The following NALF1 variants were observed in gnomAD, a reference collection of about 807,000 sequenced individuals.
NALF1 encodes family with sequence similarity 155 member A.
A neutral mutation model predicts 48.4 loss-of-function variants in NALF1; 3 were observed. The ratio of observed to expected loss-of-function variants is 0.06; its 90% CI spans 0.03 to 0.16. The LOEUF (loss-of-function observed/expected upper bound fraction) is 0.16. Ranked by LOEUF, NALF1 falls within the 10% of genes least tolerant of loss-of-function variation. The probability of loss-of-function intolerance (pLI) is 1.00; values close to 1 mark genes in which losing one functional copy is unlikely to be tolerated. For synonymous variants in NALF1, 262 were observed against 245.7 expected, an observed-to-expected ratio of 1.07 and a Z score of -0.62; for missense variants, 526 against 571.5, an observed-to-expected ratio of 0.92 and a Z score of 0.81.
rs117756491 is a variant in NALF1, at chr13:107,522,297, A to C, written c.916-311542T>G. ...AAACACAAATACTTATTTTTCCTTTAATTTCTTGGACCCTTTCTCAATCTC... is the reference window on the plus strand; with the variant it reads ...AAACACAAATACTTATTTTTCCTTTCATTTCTTGGACCCTTTCTCAATCTC... On this transcript the variant is annotated intron_variant, in intron 1 of 2. Transcript: ENST00000375915. Among the ~76,000 whole-genome samples the C allele has an allele frequency of 1.7e-4, 26 of 152,136 alleles. No individual in the cohort carries two copies. In the East Asian group the frequency reaches 5.0e-3, roughly 29 times the overall value.
intron 1 of NALF1, among the ~76,000 whole-genome samples, chr13:107,600,688 T>C (rs907145508): frequency 6.6e-6 from 1 of 152,178 alleles, no homozygotes; most frequent in Non-Finnish European, 1.5e-5. Flanking sequence ...TATTAACTTA[T>C]ATAGACCCTC....
intron 1 of NALF1, among the ~76,000 whole-genome samples, chr13:107,846,694 G>A (rs1163260531): frequency 6.6e-6 from 1 of 152,158 alleles, no homozygotes; most frequent in Non-Finnish European, 1.5e-5. Context: ...TCTGCTAGTA[G>A]GGTCAGAATA....
chr13:107,806,799 A>G (rs1878804155), intron 1 of NALF1, among the ~76,000 whole-genome samples: 1 of 152,174 alleles, frequency 6.6e-6, no homozygotes, highest in South Asian at 2.1e-4. Context: ...TTTTGTTTAA[A>G]CCCCAAGAGT....
intron 1 of NALF1, among the ~76,000 whole-genome samples, chr13:107,643,427 A>C (rs1880217353): frequency 6.6e-6 from 1 of 152,036 alleles, no homozygotes; most frequent in Non-Finnish European, 1.5e-5. Context: ...ACAGTTATTT[A>C]TAATTATGGT....
intron 1 of NALF1, among the ~76,000 whole-genome samples, chr13:107,560,153 A>G (rs141790311): frequency 1.6e-3 from 246 of 152,332 alleles, no homozygotes; most frequent in African/African-American, 5.4e-3. Context: ...AAACGCCCGT[A>G]GAATTTTCAA....
intron 2 of NALF1, among the ~76,000 whole-genome samples, chr13:107,172,691 A>C (rs1878831541): frequency 6.6e-6 from 1 of 152,152 alleles, no homozygotes; most frequent in African/African-American, 2.4e-5. Context: ...TCATTTATTG[A>C]AATATACGTT....
In NALF1 at chr13:107,164,437, A is replaced by G. The variant is rs7324248; in HGVS notation, c.*6060T>C. 2.3e-4 allele frequency: 35 copies of G among 152,032 alleles called. No individual in the cohort carries two copies. Among genetic ancestry groups the G allele is most frequent in the South Asian group, 8.3e-4 (4 of 4,830 alleles). 9.4% of individuals were successfully genotyped at this position (152,032 alleles called of 1,614,324 possible). On this transcript the variant is annotated 3_prime_UTR_variant, in exon 3 of 3. Transcript: ENST00000375915. ...TCATAATAAATGTTCCAATTTAAAC[A>G]TTTTCATGTTTAAAATTACTATAGT...
At chr13:107,757,291 G>A (rs979537485) in intron 1 of NALF1, among the ~76,000 whole-genome samples, 10 of 152,156 alleles carry the variant, frequency 6.6e-5, no homozygotes, top group Admixed American at 1.3e-4. Flanking sequence ...ACTGGGGTGG[G>A]ACGGAGAGGG....
intron 1 of NALF1, among the ~76,000 whole-genome samples, chr13:107,702,687 C>T (rs1396958611): frequency 2.0e-5 from 3 of 152,096 alleles, no homozygotes; most frequent in African/African-American, 7.2e-5. Context: ...TCCTGATGCT[C>T]TCCCTCCTCC....
Position 107,557,352 on chromosome 13 carries a change from C to T in NALF1, c.915+308330G>A, listed in dbSNP as rs116705684. On this transcript the variant is annotated intron_variant, in intron 1 of 2. Transcript: ENST00000375915. ...TGATGGGGTGGTAATGCTAATTTCA[C>T]ATAGCCCCTATCACATTTGGGGAAA... 1.3e-3 allele frequency among the ~76,000 whole-genome samples: 202 copies of T among 152,242 alleles called. 1 individual carries two copies. The highest frequency in any genetic ancestry group is 4.6e-3 in the African/African-American group (192 of 41,542).
At chr13:107,263,855 C>A (rs1880985960) in intron 1 of NALF1, among the ~76,000 whole-genome samples, 1 of 152,144 alleles carries the variant, frequency 6.6e-6, no homozygotes, top group Non-Finnish European at 1.5e-5. Flanking sequence ...ATCCTAGGCC[C>A]TTTTCCTAGA....
intron 1 of NALF1, among the ~76,000 whole-genome samples, chr13:107,438,738 T>C (rs767771470): frequency 5.6e-5 from 8 of 143,948 alleles, no homozygotes; most frequent in Non-Finnish European, 1.0e-4. Context: ...GGCTGGAGAA[T>C]GGTGTGAACC....
chr13:107,580,942 C>T (rs949425697), intron 1 of NALF1, among the ~76,000 whole-genome samples: 7 of 152,132 alleles, frequency 4.6e-5, no homozygotes, highest in Non-Finnish European at 8.8e-5. Context: ...CTGCCCTTGT[C>T]GGTGCCAGTC....
At chr13:107,495,529 AC>A (rs1381829312) in intron 1 of NALF1, among the ~76,000 whole-genome samples, 1 of 152,192 alleles carries the variant, frequency 6.6e-6, no homozygotes, top group Non-Finnish European at 1.5e-5. Flanking sequence ...TATACGCCAA[AC>A]CCCTCCCTGG....
intron 1 of NALF1, among the ~76,000 whole-genome samples, chr13:107,417,162 C>G (rs1405199517): frequency 6.6e-6 from 1 of 152,228 alleles, no homozygotes; most frequent in East Asian, 1.9e-4. Flanking sequence ...TTCTTCCTAA[C>G]ATCATTTCTA....
chr13:107,419,005 A>C (rs902570983), intron 1 of NALF1, among the ~76,000 whole-genome samples: 1 of 152,246 alleles, frequency 6.6e-6, no homozygotes, highest in Admixed American at 6.5e-5. Context: ...ATATAAAATC[A>C]TAATTCTACC....
chr13:107,591,010 T>G (rs1236236147), intron 1 of NALF1, among the ~76,000 whole-genome samples: 33 of 152,026 alleles, frequency 2.2e-4, no homozygotes, highest in Non-Finnish European at 2.9e-5. Context: ...TTATAAAGAC[T>G]GTTATAAAAC....
At chr13:107,837,638 A>C (rs1879932990) in intron 1 of NALF1, among the ~76,000 whole-genome samples, 1 of 152,038 alleles carries the variant, frequency 6.6e-6, no homozygotes, top group Non-Finnish European at 1.5e-5. Context: ...AATAACCTGA[A>C]ATCATCTGGG....
intron 1 of NALF1, among the ~76,000 whole-genome samples, chr13:107,314,330 C>T (rs1882102655): frequency 6.6e-6 from 1 of 152,086 alleles, no homozygotes; most frequent in South Asian, 2.1e-4. Flanking sequence ...GCGAGTTCTT[C>T]CATTTTTTCC....
Sources: gnomAD v4.1 joint callset for allele counts (sites outside exome capture counted in the v4.1 genomes callset) on GRCh38, gnomAD v4.1.1 for gene constraint, MANE v1.5 for transcripts, NCBI Gene and HGNC (gene_info 2026-07-23, HGNC 2026-07-21) for gene names.